Variants in PDE1C observed in about 807,000 individuals in gnomAD.
The protein encoded by PDE1C is phosphodiesterase 1C, also known as dual specificity calcium/calmodulin-dependent 3',5'-cyclic nucleotide phosphodiesterase 1C.
PDE1C carries 62 observed loss-of-function variants against 93.1 expected under a neutral mutation model. That is an observed-to-expected ratio of 0.67 (90% CI 0.54 to 0.82). The LOEUF (loss-of-function observed/expected upper bound fraction) is 0.82. PDE1C is among the 40% of genes least tolerant of loss of function. The probability of loss-of-function intolerance (pLI) is 0.00; values close to 1 mark genes in which losing one functional copy is unlikely to be tolerated. For synonymous variants in PDE1C, 325 were observed against 310.1 expected, an observed-to-expected ratio of 1.05 and a Z score of -0.50; for missense variants, 742 against 884.6, an observed-to-expected ratio of 0.84 and a Z score of 2.04.
chr7:32,269,450 T>TTTTTG (rs10633795), intron 1 of PDE1C, among the ~76,000 whole-genome samples: 86,008 of 151,472 alleles, frequency 0.57, 25,845 homozygotes, highest in Admixed American at 0.68. Flanking sequence ...TTTTTTGATG[T>TTTTTG]TTTTGTTTTG....
At chr7:32,068,744 G>C (rs769106913) in intron 1 of PDE1C, among the ~76,000 whole-genome samples, 1 of 152,150 alleles carries the variant, frequency 6.6e-6, no homozygotes, top group African/African-American at 2.4e-5. Context: ...CCATGGAGTC[G>C]GTTTAAATTG....
At chr7:32,157,456 A>T (rs1031916330) in intron 3 of PDE1C, among the ~76,000 whole-genome samples, 2 of 152,184 alleles carry the variant, frequency 1.3e-5, no homozygotes, top group Non-Finnish European at 2.9e-5. Flanking sequence ...AATATGTACA[A>T]CTATGTCAAT....
intron 2 of PDE1C, among the ~76,000 whole-genome samples, chr7:31,894,327 C>G (rs1017737622): frequency 4.6e-5 from 7 of 152,230 alleles, no homozygotes; most frequent in African/African-American, 1.7e-4. Context: ...TGTCCACAGC[C>G]TGACAGAGCC....
At chr7:31,868,902 GA>G (rs796112716) in intron 6 of PDE1C, among the ~76,000 whole-genome samples, 2,653 of 136,484 alleles carry the variant, frequency 0.019, 58 homozygotes, top group African/African-American at 0.064. Flanking sequence ...AGTCCTAAAA[GA>G]AAAAAAAAAA....
At position 32,098,209 on chromosome 7, in the gene PDE1C, G is replaced by A. The variant is rs1273761421; in HGVS notation, c.308+71576C>T. Among the ~76,000 whole-genome samples, 322 of 97,318 alleles carry A rather than the reference G, an allele frequency of 3.3e-3. 4 individuals carry two copies. The highest frequency in any genetic ancestry group is 0.013 in the African/African-American group (309 of 23,136). The allele number at this position is 97,318 out of a possible 152,430, so 63.8% of individuals were successfully genotyped here. ...CGCGCCACTGCACTCCAGCCTGGGCGACAGAGCGAGACTCCGTCTCAAAAA... is the reference window on the plus strand; with the variant it reads ...CGCGCCACTGCACTCCAGCCTGGGCAACAGAGCGAGACTCCGTCTCAAAAA... On this transcript the variant is annotated intron_variant, in intron 3 of 18. Transcript: ENST00000396193.
intron 2 of PDE1C, among the ~76,000 whole-genome samples, chr7:31,931,372 T>C (rs1158013485): frequency 6.6e-6 from 1 of 152,236 alleles, no homozygotes; most frequent in African/African-American, 2.4e-5. Flanking sequence ...CTTAAGCTGA[T>C]AAGCCACTTC....
chr7:31,993,566 AG>A lies in PDE1C; in HGVS notation c.128+57987del, dbSNP rs1278564724. On this transcript the variant is annotated intron_variant, in intron 2 of 17. Transcript: ENST00000396191. ...AATTTTTCTTATTGCAAAATATAAA[AG>A]TTATAGATATAAAAGGCTTGGGTGT... is the stretch of plus-strand genomic sequence containing the variant. Among the ~76,000 whole-genome samples, 14 of 152,346 alleles carry A rather than the reference AG, an allele frequency of 9.2e-5. 1 individual carries two copies. Among genetic ancestry groups the A allele is most frequent in the Admixed American group, 3.3e-4 (5 of 15,302 alleles).
At chr7:32,336,201 C>T (rs1301808696) in intron 1 of PDE1C, among the ~76,000 whole-genome samples, 1 of 152,062 alleles carries the variant, frequency 6.6e-6, no homozygotes, top group African/African-American at 2.4e-5. Context: ...GCAAATTTCC[C>T]AAAATGTGGG....
chr7:31,822,641 C>T (rs925098516), intron 14 of PDE1C, among the ~76,000 whole-genome samples: 8 of 152,022 alleles, frequency 5.3e-5, no homozygotes, highest in African/African-American at 1.9e-4. Flanking sequence ...TATAAAAATG[C>T]CTGTAAGAAA....
chr7:31,656,467 A>G, the PDE1C span: 1 of 978,720 alleles, frequency 1.0e-6, no homozygotes, highest in Non-Finnish European at 1.2e-6. Context: ...TATTATTACA[A>G]GTGCACATAC....
intron 1 of PDE1C, among the ~76,000 whole-genome samples, chr7:32,293,281 G>A (rs1003436845): frequency 3.9e-5 from 6 of 152,112 alleles, no homozygotes; most frequent in Admixed American, 1.3e-4. Context: ...ATAAATCTGC[G>A]TGTGACTCCA....
chr7:31,979,293 G>T (rs1471088451), intron 2 of PDE1C, among the ~76,000 whole-genome samples: 1 of 152,130 alleles, frequency 6.6e-6, no homozygotes, highest in Non-Finnish European at 1.5e-5. Context: ...TACCAACCAT[G>T]AGAATTGGAC....
At chr7:32,082,747 T>A (rs113027294) in intron 3 of PDE1C, among the ~76,000 whole-genome samples, 36 of 152,336 alleles carry the variant, frequency 2.4e-4, no homozygotes, top group African/African-American at 7.9e-4. Flanking sequence ...AAACAGCGTC[T>A]GAAGTGGACC....
the PDE1C span, among the ~76,000 whole-genome samples, chr7:31,636,141 G>C: frequency 6.6e-6 from 1 of 151,988 alleles, no homozygotes; most frequent in Non-Finnish European, 1.5e-5. Context: ...AATAGCATGG[G>C]GGTGGCAAAC....
At chr7:31,708,606 A>G in the PDE1C span, among the ~76,000 whole-genome samples, 2 of 152,222 alleles carry the variant, frequency 1.3e-5, no homozygotes, top group African/African-American at 2.4e-5. Flanking sequence ...TGAATTTGCT[A>G]TTAATATTTA....
intron 17 of PDE1C, among the ~76,000 whole-genome samples, chr7:31,772,079 T>C (rs1024932983): frequency 6.6e-6 from 1 of 152,120 alleles, no homozygotes; most frequent in Non-Finnish European, 1.5e-5. Flanking sequence ...ATTTGGGTTT[T>C]GGGTTCTTTC....
intron 13 of PDE1C, 93 bp downstream of exon 13, chr7:31,824,774 T>C: frequency 6.6e-7 from 1 of 1,512,570 alleles, no homozygotes; most frequent in Non-Finnish European, 9.0e-7. Flanking sequence ...GCAAATGCCA[T>C]TATGAAATAC....
At chr7:32,002,045 C>T (rs565021720) in intron 2 of PDE1C, among the ~76,000 whole-genome samples, 1 of 152,210 alleles carries the variant, frequency 6.6e-6, no homozygotes, top group South Asian at 2.1e-4. Context: ...GGTGACAGAG[C>T]AAGACTCTGT....
intron 1 of PDE1C, among the ~76,000 whole-genome samples, chr7:32,240,562 C>T (rs538418351): frequency 2.1e-4 from 32 of 152,230 alleles, no homozygotes; most frequent in African/African-American, 7.5e-4. Flanking sequence ...ACAGAAACAT[C>T]TGAGCTGGTG....
Sources: allele counts gnomAD v4.1 joint callset (sites outside exome capture counted in the v4.1 genomes callset), GRCh38; gene constraint gnomAD v4.1.1; transcripts MANE v1.5; gene names NCBI Gene and HGNC (gene_info 2026-07-23, HGNC 2026-07-21).